DHX57: variants seen among roughly 807,000 people sequenced by gnomAD.
DHX57 encodes putative ATP-dependent RNA helicase DHX57.
In DHX57, 105 loss-of-function variants were observed where a neutral mutation model predicts 156.2. The observed-to-expected ratio is 0.67, with a 90% confidence interval of 0.57 to 0.79. The LOEUF (loss-of-function observed/expected upper bound fraction) is 0.79, where lower values mean the gene tolerates loss of function less well. DHX57 is among the 30% of genes least tolerant of loss of function. DHX57 has a pLI of 0.00. For missense variants in DHX57, 1,847 were observed against 1,661.9 expected (o/e 1.11, Z -1.94); for synonymous variants, 704 against 595.6 (o/e 1.18, Z -2.65).
At chr2:38,855,895 G>A (rs1426763918) in intron 7 of DHX57, among the ~76,000 whole-genome samples, 1 of 152,068 alleles carries the variant, frequency 6.6e-6, no homozygotes, top group South Asian at 2.1e-4. Flanking sequence ...CCAGGAGTTC[G>A]AGACCAGCCT....
intron 21 of DHX57, among the ~76,000 whole-genome samples, chr2:38,809,279 C>T (rs577827834): frequency 6.6e-6 from 1 of 151,958 alleles, no homozygotes; most frequent in South Asian, 2.1e-4. Context: ...ACCACCGTGC[C>T]TGGCTAATTA....
At chr2:38,846,202 C>T (rs1440214602) in intron 11 of DHX57, among the ~76,000 whole-genome samples, 1 of 152,176 alleles carries the variant, frequency 6.6e-6, no homozygotes, top group Non-Finnish European at 1.5e-5. Context: ...CATTATGTGC[C>T]AAGCACAGTT....
rs1416748582 is a variant in DHX57 at position 38,806,880 on chromosome 2, TTC to T, written c.3682-189_3682-188del. Among the ~76,000 whole-genome samples, 4 of 151,626 alleles carry T rather than the reference TTC, an allele frequency of 2.6e-5. No homozygotes were observed. The East Asian group carries it at 7.7e-4, about 29-fold the overall frequency. On this transcript the variant is annotated intron_variant, in intron 21 of 23. Transcript: ENST00000457308. ...CAAGCACATGCTTTTTTTTTTTTTTTTCCACCAAGAAGTATGAATATAGGTGC... is the reference window on the plus strand; with the variant it reads ...CAAGCACATGCTTTTTTTTTTTTTTTCACCAAGAAGTATGAATATAGGTGC...
At chr2:38,870,662 G>A (rs565140054) in intron 1 of DHX57, among the ~76,000 whole-genome samples, 3 of 152,228 alleles carry the variant, frequency 2.0e-5, no homozygotes, top group East Asian at 3.9e-4. Flanking sequence ...GGCAGATCAC[G>A]AGGTCAGGAG....
rs1461158606 is a variant in DHX57, at chr2:38,855,061, A to C, written c.1901T>G (p.Val634Gly). 1 of 1,614,138 alleles carries C rather than the reference A, an allele frequency of 6.2e-7. No individual in the cohort carries two copies. Among genetic ancestry groups the C allele is most frequent in the Non-Finnish European group, 8.5e-7 (1 of 1,180,028 alleles). ...TVGYQIRLES[V>G]KSSATRLLYC... ...AAATAAGCAGAGCATACAAACCTTG[A>C]CACTTTCTAACCGAATCTGGTATCC... The change falls in exon 8 of 24, where the codon GTC (valine) becomes GGC (glycine). Residue 634 changes from valine (V) to glycine (G), a missense_variant. Transcript: ENST00000457308.
At chr2:38,810,291 G>A in intron 21 of DHX57, 1 of 267,268 alleles carries the variant, frequency 3.7e-6, no homozygotes, top group Non-Finnish European at 7.4e-6. Flanking sequence ...AGGGGGACCA[G>A]GGAACAAAGC....
intron 3 of DHX57, 93 bp from the exon 4 acceptor site, chr2:38,862,426 T>A: frequency 4.2e-6 from 5 of 1,196,364 alleles, no homozygotes; most frequent in Non-Finnish European, 5.6e-6. Context: ...ATTCATAGGA[T>A]CCTGACTACT....
chr2:38,839,014 C>T (rs1282100433), intron 12 of DHX57, among the ~76,000 whole-genome samples: 1 of 151,510 alleles, frequency 6.6e-6, no homozygotes, highest in Non-Finnish European at 1.5e-5. Context: ...TCACTGCAAC[C>T]TCCACCTCCC....
intron 20 of DHX57, among the ~76,000 whole-genome samples, chr2:38,814,735 T>TA (rs1206494839): frequency 6.6e-6 from 1 of 151,790 alleles, no homozygotes; most frequent in African/African-American, 2.4e-5. Flanking sequence ...CCTGTTTTTT[T>TA]TTTTGAGACA....
intron 12 of DHX57, among the ~76,000 whole-genome samples, chr2:38,840,810 G>A (rs952467459): frequency 8.6e-5 from 13 of 151,952 alleles, no homozygotes; most frequent in Admixed American, 2.0e-4. Context: ...CCAAAATTTT[G>A]AAAGAAGCCA....
intron 9 of DHX57, among the ~76,000 whole-genome samples, chr2:38,849,764 A>C (rs1672487028): frequency 6.6e-6 from 1 of 151,942 alleles, no homozygotes; most frequent in African/African-American, 2.4e-5. Context: ...ACATGTTATT[A>C]ATCTGCCTGG....
intron 6 of DHX57, 86 bp downstream of exon 6, chr2:38,858,575 G>A (rs1377252892): frequency 7.5e-6 from 11 of 1,470,246 alleles, no homozygotes; most frequent in Non-Finnish European, 1.0e-5. Flanking sequence ...AGAATTTTAA[G>A]GAGGGTAGCC....
At chr2:38,839,082 G>T (rs1671841463) in intron 12 of DHX57, among the ~76,000 whole-genome samples, 1 of 151,666 alleles carries the variant, frequency 6.6e-6, no homozygotes, top group African/African-American at 2.4e-5. Flanking sequence ...CAGGCACGTA[G>T]TACCACGGCC....
At chr2:38,863,548 C>T (rs1673351975) in intron 2 of DHX57, 29 bp from the exon 3 acceptor site, 17 of 1,600,390 alleles carry the variant, frequency 1.1e-5, no homozygotes, top group Non-Finnish European at 1.4e-5. Flanking sequence ...CAAAATTACA[C>T]ACATATCTTC....
At chr2:38,811,441 A>T in intron 21 of DHX57, 1 of 611,228 alleles carries the variant, frequency 1.6e-6, no homozygotes, top group Admixed American at 2.0e-5. Context: ...GGCCAGATGA[A>T]CTCCTCCACG....
At chr2:38,860,916 C>T (rs1241626720) in intron 5 of DHX57, 83 bp downstream of exon 5, 1 of 1,254,310 alleles carries the variant, frequency 8.0e-7, no homozygotes, top group Non-Finnish European at 1.1e-6. Context: ...ATCACTAAGC[C>T]ATCCTAGACC....
chr2:38,812,717 G>C (rs1478517695), intron 21 of DHX57, among the ~76,000 whole-genome samples: 1 of 151,066 alleles, frequency 6.6e-6, no homozygotes, highest in Non-Finnish European at 1.5e-5. Flanking sequence ...ATTTTTAGTA[G>C]AGATGGGGTT....
In DHX57 at chr2:38,846,998, CTTAA is replaced by C. The variant is rs1374200215; in HGVS notation, c.2219+17_2219+20del. 5 of 1,603,298 alleles carry C rather than the reference CTTAA, an allele frequency of 3.1e-6. No homozygotes were observed. The highest frequency in any genetic ancestry group is 3.4e-6 in the Non-Finnish European group (4 of 1,171,382). ...ACCATGCCAGGTCCTTTCACTGAAT[CTTAA>C]TTAATATCTTCCTTACCTTGTCACA... On this transcript the variant is annotated intron_variant, in intron 11 of 23. Transcript: ENST00000457308.
chr2:38,852,875 G>A (rs375802081), intron 9 of DHX57, among the ~76,000 whole-genome samples: 21 of 152,184 alleles, frequency 1.4e-4, no homozygotes, highest in African/African-American at 4.6e-4. Flanking sequence ...GGCCCTGGAA[G>A]GTCTGGCTCC....
Sources: allele counts gnomAD v4.1 joint callset (sites outside exome capture counted in the v4.1 genomes callset), GRCh38; gene constraint gnomAD v4.1.1; transcripts MANE v1.5; gene names NCBI Gene and HGNC (gene_info 2026-07-23, HGNC 2026-07-21).